Variants in ELF1 observed in about 807,000 individuals in gnomAD.
ELF1 encodes the protein E74 like ETS transcription factor 1.
A neutral mutation model predicts 59.9 loss-of-function variants in ELF1; 24 were observed. The observed-to-expected ratio is 0.40, with a 90% CI of 0.29 to 0.56. ELF1 has a LOEUF of 0.56. ELF1 is among the 20% of genes least tolerant of loss of function. ELF1 has a pLI of 0.44. For synonymous variants in ELF1, 248 were observed against 266.2 expected, an observed-to-expected ratio of 0.93 and a Z score of 0.67; for missense variants, 627 against 742.2, an observed-to-expected ratio of 0.84 and a Z score of 1.80.
chr13:41,056,961 C>T (rs1179536017), intron 1 of ELF1, among the ~76,000 whole-genome samples: 1 of 151,964 alleles, frequency 6.6e-6, no homozygotes, highest in Non-Finnish European at 1.5e-5. Context: ...GCCTACGTAG[C>T]CAAGATACAG....
intron 3 of ELF1, among the ~76,000 whole-genome samples, chr13:40,952,696 A>G (rs569969823): frequency 3.3e-5 from 5 of 152,168 alleles, no homozygotes; most frequent in Admixed American, 1.3e-4. Context: ...GCATCTGTTC[A>G]AATATTTTTA....
intron 1 of ELF1, chr13:41,060,786 T>C (rs1024940872): frequency 1.2e-5 from 2 of 168,086 alleles, no homozygotes; most frequent in South Asian, 1.5e-4. Context: ...AAACCAGGAA[T>C]CCTAACCGCT....
At chr13:41,031,744 G>A (rs921080441) in intron 1 of ELF1, among the ~76,000 whole-genome samples, 7 of 150,158 alleles carry the variant, frequency 4.7e-5, no homozygotes, top group Admixed American at 2.0e-4. Context: ...GCTTGAACCC[G>A]GGAGGCAGAG....
rs1295345375 is a variant in ELF1 at position 40,932,700 on chromosome 13, A to C, written c.*725T>G. ...CATAACTTGAAAATATAGGTATTAG[A>C]ATTAAAAAAATTAGAACTAGAAGAG... On this transcript the variant is annotated 3_prime_UTR_variant, in exon 9 of 9. Transcript: ENST00000239882. The C allele has an allele frequency of 6.6e-6, 1 of 152,210 alleles. No homozygotes were observed. Among genetic ancestry groups the C allele is most frequent in the East Asian group, 1.9e-4 (1 of 5,202 alleles). 9.4% of individuals were successfully genotyped at this position (152,210 alleles called of 1,614,324 possible).
In ELF1 at chr13:40,981,014, A is replaced by G. The variant is rs192783261; in HGVS notation, c.72+969T>C. Among the ~76,000 whole-genome samples, 25 of 152,270 alleles carry G rather than the reference A, an allele frequency of 1.6e-4. No individual in the cohort carries two copies. In the East Asian group the frequency reaches 2.5e-3, roughly 15 times the overall value. On this transcript the variant is annotated intron_variant, in intron 2 of 8. Transcript: ENST00000239882. ...CTTCAATGGACAACACAGCTAAAAA[A>G]ATTTTAATTTTATAAAAATCATTAA...
chr13:40,949,158 A>G (rs1037831449), intron 5 of ELF1, among the ~76,000 whole-genome samples: 23 of 151,752 alleles, frequency 1.5e-4, no homozygotes, highest in African/African-American at 4.6e-4. Context: ...GCTAATTTTC[A>G]TATTTTTAGT....
At chr13:41,041,409 T>C (rs1205204289) in intron 1 of ELF1, among the ~76,000 whole-genome samples, 1 of 152,128 alleles carries the variant, frequency 6.6e-6, no homozygotes, top group African/African-American at 2.4e-5. Context: ...CCAGGTGCAG[T>C]GGTTCATGAC....
At chr13:41,029,323 C>T (rs1593403192) in intron 1 of ELF1, among the ~76,000 whole-genome samples, 3 of 152,140 alleles carry the variant, frequency 2.0e-5, no homozygotes, top group Non-Finnish European at 4.4e-5. Context: ...TAAGAGGTAC[C>T]CAGATAACTG....
At chr13:41,035,439 C>T (rs766936590) in intron 1 of ELF1, among the ~76,000 whole-genome samples, 2 of 151,734 alleles carry the variant, frequency 1.3e-5, no homozygotes, top group Non-Finnish European at 2.9e-5. Context: ...CCAATTGAAC[C>T]ATTCTCAGGT....
At chr13:40,935,546 C>T (rs930364479) in intron 8 of ELF1, among the ~76,000 whole-genome samples, 1 of 152,168 alleles carries the variant, frequency 6.6e-6, no homozygotes, top group African/African-American at 2.4e-5. Context: ...GACTAGAGCC[C>T]GCCCATTCAC....
chr13:40,967,722 G>C (rs1420626014), intron 2 of ELF1, among the ~76,000 whole-genome samples: 1 of 151,968 alleles, frequency 6.6e-6, no homozygotes, highest in Non-Finnish European at 1.5e-5. Flanking sequence ...CTCCCAAGTA[G>C]CTGGGACTAT....
At chr13:41,042,315 T>A (rs1876648115) in intron 1 of ELF1, among the ~76,000 whole-genome samples, 1 of 148,974 alleles carries the variant, frequency 6.7e-6, no homozygotes, top group Admixed American at 6.7e-5. Context: ...TTTTTTTTTT[T>A]ATTATTATTA....
rs377468695 is a variant in ELF1 at position 40,951,473 on chromosome 13, G to A, written c.254-37C>T. 6.5e-4 allele frequency: 1,008 copies of A among 1,549,078 alleles called. 5 individuals carry two copies. The highest frequency in any genetic ancestry group is 3.8e-3 in the South Asian group (344 of 89,390). On this transcript the variant is annotated intron_variant, in intron 3 of 8. Coordinates refer to ENST00000239882, the MANE Select transcript of ELF1 (RefSeq NM_172373.4). Reference sequence around the variant, plus strand: ...TTAAAGAGAAAATTAAATTAACTACGAGACATCTGTTACTCTGAAAGTCAT... The same window carrying A: ...TTAAAGAGAAAATTAAATTAACTACAAGACATCTGTTACTCTGAAAGTCAT...
chr13:40,948,366 C>T (rs940738025), intron 5 of ELF1, among the ~76,000 whole-genome samples: 2 of 152,306 alleles, frequency 1.3e-5, no homozygotes, highest in South Asian at 4.1e-4. Context: ...CTTCAAGGGT[C>T]CCAGTTACAT....
At chr13:41,022,317 ACT>A (rs1234500357), upstream of ELF1, among the ~76,000 whole-genome samples, 1 of 152,128 alleles carries the variant, frequency 6.6e-6, no homozygotes, top group Non-Finnish European at 1.5e-5. Flanking sequence ...TGACTCCATG[ACT>A]CTGTATGATT....
exon 1 of ELF1, chr13:41,061,302 G>C: frequency 2.7e-6 from 1 of 366,508 alleles, no homozygotes; most frequent in Non-Finnish European, 5.1e-6. Context: ...TTGGGCCCCA[G>C]GGGAGGACAC....
intron 1 of ELF1, among the ~76,000 whole-genome samples, chr13:41,001,436 A>G (rs1238453390): frequency 6.6e-6 from 1 of 152,148 alleles, no homozygotes; most frequent in Non-Finnish European, 1.5e-5. Flanking sequence ...TTTTTTAAAA[A>G]GAGAACCACA....
chr13:41,014,557 T>C (rs1875248467), intron 1 of ELF1, among the ~76,000 whole-genome samples: 1 of 152,112 alleles, frequency 6.6e-6, no homozygotes, highest in African/African-American at 2.4e-5. Flanking sequence ...TACAGCTCAT[T>C]TGACAAGACA....
chr13:41,023,066 G>C (rs990053438), upstream of ELF1, among the ~76,000 whole-genome samples: 5 of 152,154 alleles, frequency 3.3e-5, no homozygotes, highest in Non-Finnish European at 7.4e-5. Flanking sequence ...CTTATATAAA[G>C]CTTTCATGGC....
Sources: gnomAD v4.1 joint callset for allele counts (sites outside exome capture counted in the v4.1 genomes callset) on GRCh38, gnomAD v4.1.1 for gene constraint, MANE v1.5 for transcripts, NCBI Gene and HGNC (gene_info 2026-07-23, HGNC 2026-07-21) for gene names.